COBL: variants seen among roughly 807,000 people sequenced by gnomAD.
COBL encodes cordon-bleu WH2 repeat protein, also known as protein cordon-bleu.
In COBL, 51 loss-of-function variants were observed where a neutral mutation model predicts 98.8. The ratio of observed to expected loss-of-function variants is 0.52; its 90% CI spans 0.41 to 0.65. COBL has a LOEUF of 0.65. Among genes scored for constraint, COBL ranks in the 30% least tolerant of loss-of-function variants. The probability of loss-of-function intolerance (pLI) is 0.00; values close to 1 mark genes in which losing one functional copy is unlikely to be tolerated. For missense variants in COBL, 1,617 were observed against 1,617.5 expected, an observed-to-expected ratio of 1.00 and a Z score of 0.01; for synonymous variants, 634 against 651.7, an observed-to-expected ratio of 0.97 and a Z score of 0.41.
rs546284676 is a variant in COBL at position 51,065,708 on chromosome 7, A to C, written c.1096+19458T>G. Among the ~76,000 whole-genome samples the C allele has an allele frequency of 2.7e-4, 41 of 152,380 alleles. 2 individuals are homozygous for C. In the Middle Eastern group the frequency reaches 0.01, roughly 38 times the overall value. ...TCGTCATCAGCACACAGGCTAATGC[A>C]CACCAGGTGCTATGGGCTGAACTGT... On this transcript the variant is annotated intron_variant, in intron 7 of 12. Transcript: ENST00000265136.
At chr7:51,230,182 C>A (rs1282762637) in intron 1 of COBL, among the ~76,000 whole-genome samples, 5 of 152,288 alleles carry the variant, frequency 3.3e-5, no homozygotes, top group Non-Finnish European at 5.9e-5. Flanking sequence ...TTCTCTCCTA[C>A]GTGGACACCA....
intron 1 of COBL, among the ~76,000 whole-genome samples, chr7:51,302,271 A>T (rs978712393): frequency 1.3e-5 from 2 of 152,202 alleles, no homozygotes; most frequent in African/African-American, 4.8e-5. Flanking sequence ...TAAGACCATT[A>T]ATTTTTTTCC....
chr7:51,123,592 T>C (rs1194936883), intron 6 of COBL, among the ~76,000 whole-genome samples: 1 of 152,178 alleles, frequency 6.6e-6, no homozygotes, highest in Non-Finnish European at 1.5e-5. Flanking sequence ...AACACTCCAG[T>C]GAAAAATTCA....
At chr7:51,146,170 G>A (rs548537192) in intron 5 of COBL, among the ~76,000 whole-genome samples, 1 of 152,322 alleles carries the variant, frequency 6.6e-6, no homozygotes, top group East Asian at 1.9e-4. Flanking sequence ...CCATCCTTCT[G>A]TCTTCTTCAA....
intron 5 of COBL, among the ~76,000 whole-genome samples, chr7:51,180,746 T>A (rs1788868559): frequency 1.3e-5 from 2 of 151,960 alleles, no homozygotes; most frequent in Admixed American, 1.3e-4. Flanking sequence ...GACTGAATCC[T>A]GAATTACCTC....
At chr7:51,259,545 A>T (rs748649743) in intron 1 of COBL, 1 of 698,840 alleles carries the variant, frequency 1.4e-6, no homozygotes, top group Non-Finnish European at 2.6e-6. Flanking sequence ...TGAGAAGTGG[A>T]AAGGGCGCAA....
chr7:51,087,145 TAC>T (rs143387311), intron 6 of COBL, among the ~76,000 whole-genome samples: 24 of 148,616 alleles, frequency 1.6e-4, no homozygotes, highest in Non-Finnish European at 1.8e-4. Context: ...CACAGAGACA[TAC>T]ACACACACAC....
chr7:51,268,937 A>C (rs1227661651), intron 1 of COBL, among the ~76,000 whole-genome samples: 2 of 151,154 alleles, frequency 1.3e-5, no homozygotes, highest in Non-Finnish European at 3.0e-5. Context: ...CTCAATAAAA[A>C]AAAAAAAAAA....
At chr7:51,117,077 T>TC (rs1231936750) in intron 6 of COBL, among the ~76,000 whole-genome samples, 13 of 106,822 alleles carry the variant, frequency 1.2e-4, no homozygotes, top group Admixed American at 1.2e-4. Context: ...ATGCTATCCC[T>TC]CCCCCCTCCC....
At chr7:51,253,645 C>T (rs755001145) in intron 1 of COBL, among the ~76,000 whole-genome samples, 3 of 152,190 alleles carry the variant, frequency 2.0e-5, no homozygotes, top group Non-Finnish European at 4.4e-5. Context: ...TTCCCAATAA[C>T]ATCATTGTAT....
At chr7:51,172,027 C>T (rs932757172) in intron 5 of COBL, among the ~76,000 whole-genome samples, 11 of 152,168 alleles carry the variant, frequency 7.2e-5, no homozygotes, top group Non-Finnish European at 1.0e-4. Flanking sequence ...TTTATAGATG[C>T]CAACTGTGCA....
chr7:51,224,933 G>C (rs541561857), intron 1 of COBL, among the ~76,000 whole-genome samples: 1 of 150,142 alleles, frequency 6.7e-6, no homozygotes, highest in South Asian at 2.1e-4. Flanking sequence ...TGTGCGTGTG[G>C]GCGGCCCGTG....
At position 51,136,343 on chromosome 7, in the gene COBL, G is replaced by A. The variant is rs759034426; in HGVS notation, c.784-12C>T. 3 of 1,604,020 alleles carry A rather than the reference G, an allele frequency of 1.9e-6. No homozygotes were observed. Among genetic ancestry groups the A allele is most frequent in the Non-Finnish European group, 2.6e-6 (3 of 1,176,238 alleles). On this transcript the variant is annotated splice_polypyrimidine_tract_variant and intron_variant, in intron 5 of 12. Coordinates refer to ENST00000265136, the MANE Select transcript of COBL (RefSeq NM_015198.5). ...GTCGTTAAACAGCCCTGTTGGGGAA[G>A]AGACAAACAGAAAACCAAATCAGTA... is the stretch of plus-strand genomic sequence containing the variant.
chr7:51,107,084 G>GTTTTTT (rs202161212), intron 6 of COBL, among the ~76,000 whole-genome samples: 5 of 109,328 alleles, frequency 4.6e-5, no homozygotes, highest in African/African-American at 1.4e-4. Context: ...TGTGATCCTA[G>GTTTTTT]TTTGTTTGTT....
chr7:51,078,208 A>G (rs1793273642), intron 7 of COBL, among the ~76,000 whole-genome samples: 1 of 152,220 alleles, frequency 6.6e-6, no homozygotes, highest in Admixed American at 6.5e-5. Flanking sequence ...TGTATTACTC[A>G]ATTGTAGTCA....
chr7:51,215,599 T>C (rs1160636700), intron 2 of COBL, among the ~76,000 whole-genome samples: 1 of 152,224 alleles, frequency 6.6e-6, no homozygotes, highest in Non-Finnish European at 1.5e-5. Flanking sequence ...AATAGAAGCA[T>C]AATCACACCA....
intron 5 of COBL, among the ~76,000 whole-genome samples, chr7:51,145,585 G>C (rs1784952343): frequency 6.6e-6 from 1 of 151,780 alleles, no homozygotes; most frequent in Admixed American, 6.6e-5. Flanking sequence ...CGCCATGTTG[G>C]CTAGGCTGGT....
At chr7:51,025,498 G>A in intron 11 of COBL, 126 bp from the exon 12 acceptor site, 1 of 910,344 alleles carries the variant, frequency 1.1e-6, no homozygotes, top group Non-Finnish European at 1.7e-6. Flanking sequence ...TCATGAGGTG[G>A]AGCCCTCATG....
chr7:51,025,643 C>G (rs1323806453), intron 11 of COBL, among the ~76,000 whole-genome samples: 1 of 152,172 alleles, frequency 6.6e-6, no homozygotes, highest in Non-Finnish European at 1.5e-5. Flanking sequence ...TCTGCTGGTG[C>G]CTTGATCTTA....
Sources: allele counts gnomAD v4.1 joint callset (sites outside exome capture counted in the v4.1 genomes callset), GRCh38; gene constraint gnomAD v4.1.1; transcripts MANE v1.5; gene names NCBI Gene and HGNC (gene_info 2026-07-23, HGNC 2026-07-21).